AGBL1: variants seen among roughly 807,000 people sequenced by gnomAD.
AGBL1 encodes cytosolic carboxypeptidase 4.
A neutral mutation model predicts 118.9 loss-of-function variants in AGBL1; 130 were observed. That is an observed-to-expected ratio of 1.09 (90% CI 0.95 to 1.26). AGBL1 has a LOEUF of 1.26. AGBL1 is among the 50% of genes most tolerant of loss of function. AGBL1 has a pLI of 0.00. For synonymous variants in AGBL1, 555 were observed against 478.9 expected (o/e 1.16, Z -2.08); for missense variants, 1,584 against 1,298.1 (o/e 1.22, Z -3.38).
At chr15:86,818,460 G>C (rs980996116) in intron 22 of AGBL1, among the ~76,000 whole-genome samples, 1 of 152,202 alleles carries the variant, frequency 6.6e-6, no homozygotes, top group Admixed American at 6.5e-5. Context: ...AATGCCTAAT[G>C]CCTAATGATC....
intron 22 of AGBL1, among the ~76,000 whole-genome samples, chr15:86,739,171 C>T (rs1203349998): frequency 2.6e-5 from 4 of 151,646 alleles, no homozygotes; most frequent in Non-Finnish European, 2.9e-5. Flanking sequence ...AGGCTAGGTG[C>T]GGTGGCTCAT....
intron 17 of AGBL1, among the ~76,000 whole-genome samples, chr15:86,309,444 C>G (rs12910899): frequency 0.12 from 18,933 of 152,124 alleles, 1,612 homozygotes; most frequent in Non-Finnish European, 0.18. Context: ...AGTACTATAT[C>G]GAATAGAAGT....
chr15:86,679,137 C>G (rs565354104), intron 22 of AGBL1, among the ~76,000 whole-genome samples: 4 of 152,000 alleles, frequency 2.6e-5, no homozygotes, highest in Non-Finnish European at 5.9e-5. Flanking sequence ...GATTTTAACT[C>G]AGGTAATATT....
At chr15:86,161,986 A>C (rs1452535229) in intron 5 of AGBL1, among the ~76,000 whole-genome samples, 1 of 152,202 alleles carries the variant, frequency 6.6e-6, no homozygotes, top group African/African-American at 2.4e-5. Context: ...GACATTGTTA[A>C]TCATTATTAA....
intron 24 of AGBL1, among the ~76,000 whole-genome samples, chr15:87,025,512 A>G (rs1250254496): frequency 1.3e-5 from 2 of 152,104 alleles, no homozygotes; most frequent in African/African-American, 4.8e-5. Flanking sequence ...ACACAAACAA[A>G]TGGAAACACA....
chr15:86,699,278 A>G (rs2086315746), intron 22 of AGBL1, among the ~76,000 whole-genome samples: 1 of 152,048 alleles, frequency 6.6e-6, no homozygotes. Context: ...ATATAATTCA[A>G]CTTTATTCCT....
intron 21 of AGBL1, among the ~76,000 whole-genome samples, chr15:86,659,965 C>A (rs944466552): frequency 6.6e-6 from 1 of 152,016 alleles, no homozygotes; most frequent in Non-Finnish European, 1.5e-5. Flanking sequence ...CTTCCCTGCT[C>A]ATGGACTTTG....
chr15:86,408,786 C>T (rs998225086), intron 18 of AGBL1, among the ~76,000 whole-genome samples: 5 of 152,046 alleles, frequency 3.3e-5, no homozygotes, highest in African/African-American at 1.2e-4. Context: ...TTTAATCTTC[C>T]TTTGCATTAC....
At chr15:86,318,426 C>G (rs7177375) in intron 17 of AGBL1, among the ~76,000 whole-genome samples, 1 of 151,278 alleles carries the variant, frequency 6.6e-6, no homozygotes, top group African/African-American at 2.4e-5. Context: ...AATTTTGCCT[C>G]TGATGTTTTA....
At chr15:86,752,636 G>A (rs2077872362) in intron 22 of AGBL1, among the ~76,000 whole-genome samples, 1 of 151,992 alleles carries the variant, frequency 6.6e-6, no homozygotes, top group African/African-American at 2.4e-5. Flanking sequence ...TGGGCAGGAA[G>A]GCTCCCTGTA....
chr15:86,581,063 G>A (rs1407740677), intron 21 of AGBL1, among the ~76,000 whole-genome samples: 1 of 152,184 alleles, frequency 6.6e-6, no homozygotes, highest in Non-Finnish European at 1.5e-5. Flanking sequence ...GTAGATGAGA[G>A]TTCCAAAAGG....
At chr15:86,132,510 C>T (rs1480283319) in intron 1 of AGBL1, among the ~76,000 whole-genome samples, 1 of 152,184 alleles carries the variant, frequency 6.6e-6, no homozygotes, top group Non-Finnish European at 1.5e-5. Flanking sequence ...CTGTTTGCCA[C>T]TTCCTTTCAG....
chr15:86,622,330 C>CA (rs76582205), intron 21 of AGBL1, among the ~76,000 whole-genome samples: 10,344 of 93,714 alleles, frequency 0.11, 1,117 homozygotes, highest in African/African-American at 0.29. Context: ...GACTCCATCT[C>CA]AAAAAAAAAA....
At chr15:86,555,878 T>C (rs564853963) in intron 21 of AGBL1, among the ~76,000 whole-genome samples, 19 of 152,290 alleles carry the variant, frequency 1.2e-4, no homozygotes, top group Non-Finnish European at 2.4e-4. Flanking sequence ...ATCTGTTCAC[T>C]CCCTTGTCAT....
At chr15:86,466,787 C>T (rs1172392978) in intron 18 of AGBL1, among the ~76,000 whole-genome samples, 1 of 152,156 alleles carries the variant, frequency 6.6e-6, no homozygotes, top group Non-Finnish European at 1.5e-5. Context: ...GCTTTAGGTC[C>T]ACTCCAGATC....
chr15:86,448,054 A>G (rs1289795861), intron 18 of AGBL1, among the ~76,000 whole-genome samples: 1 of 150,956 alleles, frequency 6.6e-6, no homozygotes, highest in Non-Finnish European at 1.5e-5. Flanking sequence ...GTGTGGTGGG[A>G]GGGTCACCTG....
chr15:86,153,164 T>A (rs1374038104), intron 3 of AGBL1, among the ~76,000 whole-genome samples: 1 of 152,208 alleles, frequency 6.6e-6, no homozygotes, highest in East Asian at 1.9e-4. Context: ...TTACTGAGTA[T>A]ATACCCAAAG....
chr15:86,635,291 C>T (rs2085059933), intron 21 of AGBL1, among the ~76,000 whole-genome samples: 1 of 52,956 alleles, frequency 1.9e-5, no homozygotes, highest in African/African-American at 8.4e-5. Context: ...TCCCCTCCCC[C>T]TCCCCCTCCC....
chr15:86,554,494 C>A lies in AGBL1; in HGVS notation c.2951C>A (p.Thr984Asn). 2 of 1,572,420 alleles carry A rather than the reference C, an allele frequency of 1.3e-6. No individual in the cohort carries two copies. The highest frequency in any genetic ancestry group is 1.9e-5 in the Admixed American group (1 of 51,814). ...WREMGVSRSY[T>N]MESSYCGCNQ... ...GAGATGGGGGTGTCCAGAAGCTACACCATGGAAAGCAGCTACTGTGGCTGC... is the reference window on the plus strand; with the variant it reads ...GAGATGGGGGTGTCCAGAAGCTACAACATGGAAAGCAGCTACTGTGGCTGC... The change falls in exon 21 of 23, where the codon ACC (threonine) becomes AAC (asparagine). Residue 984 changes from threonine (T) to asparagine (N), a missense_variant. Transcript: ENST00000614907.
Sources: gnomAD v4.1 joint callset for allele counts (sites outside exome capture counted in the v4.1 genomes callset) on GRCh38, gnomAD v4.1.1 for gene constraint, MANE v1.5 for transcripts, NCBI Gene and HGNC (gene_info 2026-07-23, HGNC 2026-07-21) for gene names.